Variants in CTNNA3 observed in about 807,000 individuals in gnomAD.
CTNNA3 encodes the protein catenin alpha 3, also known as catenin alpha-3.
Under a neutral mutation model 95.7 loss-of-function variants are expected in CTNNA3, and 76 were observed. That is an observed-to-expected ratio of 0.79 (90% CI 0.66 to 0.96). The LOEUF (loss-of-function observed/expected upper bound fraction) is 0.96, where lower values mean the gene tolerates loss of function less well. Among genes scored for constraint, CTNNA3 ranks in the 40% least tolerant of loss-of-function variants. The pLI, the probability that CTNNA3 is intolerant of heterozygous loss-of-function variation, is 0.00. For missense variants in CTNNA3, 1,191 were observed against 1,089.8 expected, an observed-to-expected ratio of 1.09 and a Z score of -1.31; for synonymous variants, 431 against 374.4, an observed-to-expected ratio of 1.15 and a Z score of -1.74.
intron 9 of CTNNA3, among the ~76,000 whole-genome samples, chr10:66,737,586 T>C (rs539910981): frequency 1.3e-5 from 2 of 152,292 alleles, no homozygotes; most frequent in African/African-American, 4.8e-5. Flanking sequence ...GCAATTTTTT[T>C]CCCTGTGAGA....
At chr10:66,871,623 A>G (rs1844413711) in intron 7 of CTNNA3, among the ~76,000 whole-genome samples, 1 of 151,614 alleles carries the variant, frequency 6.6e-6, no homozygotes, top group Non-Finnish European at 1.5e-5. Context: ...TTAAGTACAT[A>G]TGGACAAAGA....
chr10:66,564,860 TTTCAAGTGAAAGAAATGAGTTGCTC>T (rs1842658163), intron 10 of CTNNA3, among the ~76,000 whole-genome samples: 1 of 152,218 alleles, frequency 6.6e-6, no homozygotes, highest in Non-Finnish European at 1.5e-5. Context: ...TATTTTATTT[TTTCAAGTGAAAGAAATGAGTTGCTC>T]TTCAGTTAAG....
At chr10:66,321,124 A>T (rs1349123765) in intron 12 of CTNNA3, among the ~76,000 whole-genome samples, 1 of 152,138 alleles carries the variant, frequency 6.6e-6, no homozygotes, top group Non-Finnish European at 1.5e-5. Flanking sequence ...TGAGTTTTAC[A>T]TGGTAGCCCA....
At chr10:67,228,192 T>A (rs1339007718) in intron 5 of CTNNA3, among the ~76,000 whole-genome samples, 1 of 151,868 alleles carries the variant, frequency 6.6e-6, no homozygotes, top group African/African-American at 2.4e-5. Flanking sequence ...CAGAACTAAA[T>A]GAAATCGAAA....
At chr10:67,163,214 T>C (rs993978244) in intron 7 of CTNNA3, among the ~76,000 whole-genome samples, 28 of 151,988 alleles carry the variant, frequency 1.8e-4, no homozygotes, top group Non-Finnish European at 3.8e-4. Flanking sequence ...TGAAAATATT[T>C]CTAATAAAAT....
rs149767907 is a variant in CTNNA3 at position 66,671,861 on chromosome 10, T to C, written c.1282-50077A>G. 1.6e-3 allele frequency among the ~76,000 whole-genome samples: 244 copies of C among 152,304 alleles called. 2 individuals are homozygous for C. Among genetic ancestry groups the C allele is most frequent in the African/African-American group, 5.6e-3 (231 of 41,568 alleles). ...TAGTACACATTACTCCCAGGGTTGC[T>C]GTGAGGATAAAATAGGATAATACAT... On this transcript the variant is annotated intron_variant, in intron 9 of 17. Transcript: ENST00000433211.
chr10:66,332,715 T>G (rs968079803), intron 12 of CTNNA3, among the ~76,000 whole-genome samples: 1 of 152,084 alleles, frequency 6.6e-6, no homozygotes, highest in Non-Finnish European at 1.5e-5. Context: ...CTGCCAGGCT[T>G]TGGTATCAGG....
intron 7 of CTNNA3, among the ~76,000 whole-genome samples, chr10:67,027,647 G>C (rs983677330): frequency 2.6e-5 from 4 of 151,898 alleles, no homozygotes; most frequent in Non-Finnish European, 4.4e-5. Context: ...ATGTTGGCCA[G>C]GATGGTCTCA....
intron 4 of CTNNA3, among the ~76,000 whole-genome samples, chr10:67,526,005 C>A (rs1419008999): frequency 6.6e-6 from 1 of 152,090 alleles, no homozygotes; most frequent in East Asian, 1.9e-4. Flanking sequence ...ATCTTAGTGT[C>A]CCTAAATCAT....
chr10:67,176,318 T>C (rs1202143772), intron 7 of CTNNA3, among the ~76,000 whole-genome samples: 1 of 152,214 alleles, frequency 6.6e-6, no homozygotes, highest in East Asian at 1.9e-4. Flanking sequence ...AGAGAGGCTG[T>C]TTCTCCATTA....
At chr10:66,183,925 G>GT (rs2086185759) in intron 13 of CTNNA3, among the ~76,000 whole-genome samples, 2 of 151,808 alleles carry the variant, frequency 1.3e-5, no homozygotes, top group African/African-American at 2.4e-5. Flanking sequence ...AATTGAAGGT[G>GT]TTTTTTTAAT....
chr10:66,095,139 C>T (rs1480182923), intron 14 of CTNNA3, among the ~76,000 whole-genome samples: 1 of 152,114 alleles, frequency 6.6e-6, no homozygotes, highest in Non-Finnish European at 1.5e-5. Context: ...AGGCTAGAAT[C>T]ACATGCCTAC....
intron 1 of CTNNA3, among the ~76,000 whole-genome samples, chr10:67,734,996 T>C (rs1292581260): frequency 6.6e-6 from 1 of 152,130 alleles, no homozygotes; most frequent in Non-Finnish European, 1.5e-5. Context: ...TCTTAAAAGG[T>C]ATGCAGTATT....
Position 67,144,770 on chromosome 10 carries a change from A to G in CTNNA3, c.1047+35547T>C, listed in dbSNP as rs76469604. ...CACTAAAACCTTACATCAGCAATAA[A>G]GCTGTTTTGTTTTTTAATCATTTGC... On this transcript the variant is annotated intron_variant, in intron 7 of 17. Coordinates refer to ENST00000433211, the MANE Select transcript of CTNNA3 (RefSeq NM_013266.4). Among the ~76,000 whole-genome samples the G allele has an allele frequency of 3.3e-3, 496 of 152,210 alleles. 3 individuals carry two copies. Among genetic ancestry groups the G allele is most frequent in the African/African-American group, 0.011 (475 of 41,532 alleles).
intron 7 of CTNNA3, among the ~76,000 whole-genome samples, chr10:67,022,059 G>A (rs1026001729): frequency 7.2e-5 from 11 of 152,142 alleles, no homozygotes; most frequent in Admixed American, 7.2e-4. Flanking sequence ...TATTTCTGAA[G>A]AAATATCAGT....
At chr10:66,071,468 A>C (rs1043462240) in intron 14 of CTNNA3, among the ~76,000 whole-genome samples, 3 of 152,218 alleles carry the variant, frequency 2.0e-5, no homozygotes, top group East Asian at 1.9e-4. Context: ...TCTCTGAAAC[A>C]TTAAGTGATT....
chr10:66,156,659 A>G (rs1357488675), intron 13 of CTNNA3, among the ~76,000 whole-genome samples: 1 of 151,872 alleles, frequency 6.6e-6, no homozygotes, highest in East Asian at 1.9e-4. Flanking sequence ...AGAAAGATAG[A>G]GGAGATGATA....
chr10:66,020,872 A>G (rs893189657), intron 15 of CTNNA3, among the ~76,000 whole-genome samples: 2 of 151,766 alleles, frequency 1.3e-5, no homozygotes, highest in African/African-American at 2.4e-5. Context: ...ATGGGGTTTC[A>G]CCGTGTTAGC....
chr10:66,572,352 C>A (rs558894443), intron 10 of CTNNA3, among the ~76,000 whole-genome samples: 5 of 150,894 alleles, frequency 3.3e-5, no homozygotes, highest in African/African-American at 1.2e-4. Context: ...CACTGCACTC[C>A]AGCCTGGTTG....
Sources: allele counts gnomAD v4.1 joint callset (sites outside exome capture counted in the v4.1 genomes callset), GRCh38; gene constraint gnomAD v4.1.1; transcripts MANE v1.5; gene names NCBI Gene and HGNC (gene_info 2026-07-23, HGNC 2026-07-21).